DHRS9: variants seen among roughly 807,000 people sequenced by gnomAD.
DHRS9 encodes dehydrogenase/reductase 9.
DHRS9 carries 18 observed loss-of-function variants against 26.6 expected under a neutral mutation model. The ratio of observed to expected loss-of-function variants is 0.68; its 90% confidence interval spans 0.47 to 1.00. DHRS9 has a LOEUF of 1.00. Ranked by LOEUF, DHRS9 falls within the 50% of genes least tolerant of loss-of-function variation. The pLI is 0.00. For missense variants in DHRS9, 425 were observed against 378.7 expected, an observed-to-expected ratio of 1.12 and a Z score of -1.01; for synonymous variants, 134 against 141.1, an observed-to-expected ratio of 0.95 and a Z score of 0.36.
Position 169,095,782 on chromosome 2 carries a change from A to T in DHRS9, c.*15A>T. On this transcript the variant is annotated 3_prime_UTR_variant, in exon 5 of 5. Coordinates refer to ENST00000674881, the MANE Select transcript of DHRS9 (RefSeq NM_001376924.1). ...AGGCAGTGTGACTCAGCTAACCACA[A>T]ATGTCTCCTCCAGGCTATGAAATTG... is the stretch of plus-strand genomic sequence containing the variant. The T allele has an allele frequency of 6.2e-7, 1 of 1,609,966 alleles. No individual in the cohort carries two copies. Among genetic ancestry groups the T allele is most frequent in the South Asian group, 1.1e-5 (1 of 90,988 alleles).
upstream of DHRS9, among the ~76,000 whole-genome samples, chr2:169,069,001 C>T (rs1250589860): frequency 6.6e-6 from 1 of 152,222 alleles, no homozygotes; most frequent in African/African-American, 2.4e-5. Flanking sequence ...TTCCTATTCT[C>T]AGCGGTCTCA....
At chr2:169,085,385 G>T (rs1684320440) in intron 3 of DHRS9, among the ~76,000 whole-genome samples, 1 of 152,092 alleles carries the variant, frequency 6.6e-6, no homozygotes, top group African/African-American at 2.4e-5. Flanking sequence ...TTGGTATTTT[G>T]ATAGGAATTG....
chr2:169,095,263 A>T (rs1684657216), intron 4 of DHRS9, among the ~76,000 whole-genome samples: 1 of 152,170 alleles, frequency 6.6e-6, no homozygotes, highest in Admixed American at 6.5e-5. Context: ...GCCCCACCTC[A>T]TACCTCAGTC....
At chr2:169,070,131 TCTG>T (rs1683755647) in intron 1 of DHRS9, 1 of 985,362 alleles carries the variant, frequency 1.0e-6, no homozygotes, top group Non-Finnish European at 1.2e-6. Flanking sequence ...CAACTGCAGG[TCTG>T]ATCTGTTTGT....
intron 2 of DHRS9, among the ~76,000 whole-genome samples, chr2:169,082,380 A>G (rs1420127899): frequency 6.6e-6 from 1 of 152,194 alleles, no homozygotes; most frequent in Non-Finnish European, 1.5e-5. Context: ...TAGTTAAGGT[A>G]GAGTAGTGAG....
At chr2:169,092,799 T>C (rs1684571997) in intron 4 of DHRS9, among the ~76,000 whole-genome samples, 1 of 152,142 alleles carries the variant, frequency 6.6e-6, no homozygotes, top group Non-Finnish European at 1.5e-5. Flanking sequence ...AAATAGTAAA[T>C]ATTTACTATG....
intron 3 of DHRS9, among the ~76,000 whole-genome samples, chr2:169,090,745 A>C (rs147544982): frequency 1.4e-4 from 22 of 152,328 alleles, no homozygotes; most frequent in African/African-American, 4.8e-4. Flanking sequence ...CCTGACTTGC[A>C]ATGTTAAACA....
intron 1 of DHRS9, among the ~76,000 whole-genome samples, chr2:169,073,554 C>G (rs1266463180): frequency 6.6e-6 from 1 of 152,114 alleles, no homozygotes; most frequent in Non-Finnish European, 1.5e-5. Context: ...CCCAGAGGAG[C>G]TGGGGGTCAA....
chr2:169,070,169 G>T, intron 1 of DHRS9: 4 of 985,380 alleles, frequency 4.1e-6, no homozygotes, highest in Non-Finnish European at 4.8e-6. Flanking sequence ...AATATTATCA[G>T]ATGTAAGTTT....
chr2:169,072,308 T>C (rs1315065164), intron 1 of DHRS9, among the ~76,000 whole-genome samples: 1 of 152,194 alleles, frequency 6.6e-6, no homozygotes, highest in Non-Finnish European at 1.5e-5. Flanking sequence ...AAATAAAGAT[T>C]CTACAAACTC....
chr2:169,081,264 A>G (rs1684172129), intron 1 of DHRS9: 2 of 819,284 alleles, frequency 2.4e-6, no homozygotes, highest in African/African-American at 1.8e-5. Context: ...GGCTTGTGTC[A>G]ATTTTGCCAT....
intron 1 of DHRS9, among the ~76,000 whole-genome samples, 177 bp from the exon 2 acceptor site, chr2:169,081,346 G>A (rs1387479670): frequency 6.6e-6 from 1 of 152,116 alleles, no homozygotes; most frequent in Admixed American, 6.5e-5. Context: ...TACTTTAGAG[G>A]AACGATTTAT....
chr2:169,086,038 TA>T (rs1415645856), intron 3 of DHRS9, among the ~76,000 whole-genome samples: 1 of 152,198 alleles, frequency 6.6e-6, no homozygotes, highest in African/African-American at 2.4e-5. Flanking sequence ...TGTCTTCCTC[TA>T]GGTTTGGGAA....
At chr2:169,082,116 T>C (rs1291500324) in intron 2 of DHRS9, among the ~76,000 whole-genome samples, 1 of 152,158 alleles carries the variant, frequency 6.6e-6, no homozygotes, top group African/African-American at 2.4e-5. Flanking sequence ...GGCCTAAGTC[T>C]CAGTGGGTGA....
Position 169,078,815 on chromosome 2 carries a change from C to CTTTTTTTTTTTTTTTTTTTTTTTTTT in DHRS9, c.-59-2707_-59-2682dup, listed in dbSNP as rs200691133. Among the ~76,000 whole-genome samples, 11 of 110,364 alleles carry CTTTTTTTTTTTTTTTTTTTTTTTTTT rather than the reference C, an allele frequency of 1.0e-4. 1 individual carries two copies. Among genetic ancestry groups the CTTTTTTTTTTTTTTTTTTTTTTTTTT allele is most frequent in the Non-Finnish European group, 1.4e-4 (8 of 55,184 alleles). The allele number at this position is 110,364 out of a possible 152,430, so 72.4% of individuals were successfully genotyped here. A position where few individuals can be genotyped will look rare whatever the true frequency, so the allele number is the denominator to read the frequency against. Reference sequence around the variant, plus strand: ...CTCTGACTTAATTTTTATCAACTGACTTTTTTTTTTTTTTTTTTTTTTTTT... The same window carrying CTTTTTTTTTTTTTTTTTTTTTTTTTT: ...CTCTGACTTAATTTTTATCAACTGACTTTTTTTTTTTTTTTTTTTTTTTTTTTTTTTTTTTTTTTTTTTTTTTTTTT... On this transcript the variant is annotated intron_variant, in intron 1 of 4. Coordinates refer to ENST00000674881, the MANE Select transcript of DHRS9 (RefSeq NM_001376924.1).
At chr2:169,067,266 G>C, upstream of DHRS9, 1 of 1,535,332 alleles carries the variant, frequency 6.5e-7, no homozygotes. Context: ...CTGCACACTG[G>C]AGTAAGTGCT....
intron 3 of DHRS9, among the ~76,000 whole-genome samples, chr2:169,090,292 T>C (rs1684482117): frequency 6.6e-6 from 1 of 152,166 alleles, no homozygotes; most frequent in Non-Finnish European, 1.5e-5. Flanking sequence ...TAAGCTTAGT[T>C]GGAGGGCGTA....
intron 3 of DHRS9, among the ~76,000 whole-genome samples, chr2:169,085,076 CA>C (rs1418729027): frequency 6.6e-6 from 1 of 152,132 alleles, no homozygotes; most frequent in Non-Finnish European, 1.5e-5. Context: ...TTCCTAGCAT[CA>C]TTTATTGAAA....
At chr2:169,080,188 G>A (rs1684140443) in intron 1 of DHRS9, among the ~76,000 whole-genome samples, 1 of 152,126 alleles carries the variant, frequency 6.6e-6, no homozygotes, top group Non-Finnish European at 1.5e-5. Context: ...CCTCTGTGAG[G>A]CATTTTAAAG....
Sources: allele counts gnomAD v4.1 joint callset (sites outside exome capture counted in the v4.1 genomes callset), GRCh38; gene constraint gnomAD v4.1.1; transcripts MANE v1.5; gene names NCBI Gene and HGNC (gene_info 2026-07-23, HGNC 2026-07-21).